RSBN1: variants seen among roughly 807,000 people sequenced by gnomAD.
The protein encoded by RSBN1 is lysine-specific demethylase 9.
RSBN1 carries 23 observed loss-of-function variants against 74.8 expected under a neutral mutation model. The ratio of observed to expected loss-of-function variants is 0.31; its 90% confidence interval spans 0.22 to 0.44. The LOEUF (loss-of-function observed/expected upper bound fraction) is 0.44. RSBN1 is among the 20% of genes least tolerant of loss of function. RSBN1 has a pLI of 1.00. For missense variants in RSBN1, 808 were observed against 1,020.9 expected (o/e 0.79, Z 2.84); for synonymous variants, 407 against 379.6 (o/e 1.07, Z -0.84).
rs1659761321 is a variant in RSBN1 at position 113,765,477 on chromosome 1, G to C, written c.*503C>G. On this transcript the variant is annotated 3_prime_UTR_variant, in exon 7 of 7. Coordinates refer to ENST00000261441, the MANE Select transcript of RSBN1 (RefSeq NM_018364.5). Reference sequence around the variant, plus strand: ...GGAAACTACTTGTTATTTGTGGTTAGAACTAAATAACTTACTTGCCCATGT... The same window carrying C: ...GGAAACTACTTGTTATTTGTGGTTACAACTAAATAACTTACTTGCCCATGT... 1 of 154,042 alleles carries C rather than the reference G, an allele frequency of 6.5e-6. No individual in the cohort carries two copies. The highest frequency in any genetic ancestry group is 2.4e-5 in the African/African-American group (1 of 41,414). 9.5% of individuals were successfully genotyped at this position (154,042 alleles called of 1,614,324 possible). A position where few individuals can be genotyped will look rare whatever the true frequency, so the allele number is the denominator to read the frequency against.
intron 1 of RSBN1, among the ~76,000 whole-genome samples, chr1:113,801,178 T>TC (rs1329156871): frequency 6.6e-6 from 1 of 152,114 alleles, no homozygotes; most frequent in Non-Finnish European, 1.5e-5. Context: ...AGACAGGGTT[T>TC]CACCATGTTG....
Position 113,762,407 on chromosome 1 carries a change from A to C in RSBN1, c.*3573T>G, listed in dbSNP as rs1438053765. 2.0e-5 allele frequency: 3 copies of C among 152,516 alleles called. No homozygotes were observed. The highest frequency in any genetic ancestry group is 7.2e-5 in the African/African-American group (3 of 41,466). The allele number at this position is 152,516 out of a possible 1,614,324, so 9.4% of individuals were successfully genotyped here. ...CAAGGATAGGTCCCTTACGTGCTAA[A>C]GAAAAACATTTGTACTGTGCATTTC... On this transcript the variant is annotated 3_prime_UTR_variant, in exon 7 of 7. Transcript: ENST00000261441.
rs1659733291 is a variant in RSBN1, at chr1:113,763,885, C to T, written c.*2095G>A. The T allele has an allele frequency of 6.6e-6, 1 of 152,424 alleles. No homozygotes were observed. Among genetic ancestry groups the T allele is most frequent in the Admixed American group, 6.6e-5 (1 of 15,238 alleles). The allele number at this position is 152,424 out of a possible 1,614,324, so 9.4% of individuals were successfully genotyped here. On this transcript the variant is annotated 3_prime_UTR_variant, in exon 7 of 7. Coordinates refer to ENST00000261441, the MANE Select transcript of RSBN1 (RefSeq NM_018364.5). ...GACCAGCTTGGATGACAGATGGCAT[C>T]TGCTGGATGGCAAGTGGGAGATGGG... is the stretch of plus-strand genomic sequence containing the variant.
intron 2 of RSBN1, among the ~76,000 whole-genome samples, chr1:113,795,574 G>C (rs1660454487): frequency 6.6e-6 from 1 of 152,098 alleles, no homozygotes; most frequent in Non-Finnish European, 1.5e-5. Context: ...CAGAGCACAG[G>C]ACTCATTCAA....
intron 4 of RSBN1, among the ~76,000 whole-genome samples, chr1:113,775,777 C>T (rs1420963461): frequency 1.3e-5 from 2 of 152,208 alleles, no homozygotes; most frequent in Non-Finnish European, 2.9e-5. Context: ...GATTCGTCAT[C>T]ATCCTGCAAC....
At chr1:113,810,537 C>T (rs932073523) in intron 1 of RSBN1, among the ~76,000 whole-genome samples, 2 of 152,064 alleles carry the variant, frequency 1.3e-5, no homozygotes, top group Non-Finnish European at 2.9e-5. Flanking sequence ...ATTTGGATGC[C>T]ACCAAATGAA....
At chr1:113,767,300 C>A in intron 5 of RSBN1, 93 bp from the exon 6 acceptor site, 1 of 659,048 alleles carries the variant, frequency 1.5e-6, no homozygotes, top group Non-Finnish European at 2.5e-6. Flanking sequence ...AATGCTTCTA[C>A]CAGCAGAGAA....
chr1:113,807,825 AC>A (rs1167883002), intron 1 of RSBN1, among the ~76,000 whole-genome samples: 17 of 151,194 alleles, frequency 1.1e-4, no homozygotes, highest in Non-Finnish European at 2.1e-4. Context: ...ACACACACAC[AC>A]AAAATTCAAT....
rs534657938 is a variant in RSBN1 at position 113,803,579 on chromosome 1, C to T, written c.704-5543G>A. Among the ~76,000 whole-genome samples the T allele has an allele frequency of 8.5e-5, 13 of 152,236 alleles. No homozygotes were observed. In the South Asian group the frequency reaches 1.9e-3, roughly 22 times the overall value. On this transcript the variant is annotated intron_variant, in intron 1 of 6. Transcript: ENST00000261441. Reference sequence around the variant, plus strand: ...ATTAGTGTGCAGAGTAAATGAAAAACGCATGTGAAGTACTTATAATAGTCC... The same window carrying T: ...ATTAGTGTGCAGAGTAAATGAAAAATGCATGTGAAGTACTTATAATAGTCC...
At chr1:113,781,570 C>T (rs1211643848) in intron 2 of RSBN1, among the ~76,000 whole-genome samples, 2 of 152,226 alleles carry the variant, frequency 1.3e-5, no homozygotes, top group African/African-American at 2.4e-5. Flanking sequence ...ACATCTCTAA[C>T]TTAAAACTCT....
chr1:113,774,528 T>A (rs1196731742), intron 4 of RSBN1, among the ~76,000 whole-genome samples: 1 of 151,492 alleles, frequency 6.6e-6, no homozygotes, highest in Non-Finnish European at 1.5e-5. Context: ...AAAAAAAAAA[T>A]TAGCCGGGCA....
chr1:113,804,243 G>C (rs1302432719), intron 1 of RSBN1, among the ~76,000 whole-genome samples: 2 of 152,156 alleles, frequency 1.3e-5, no homozygotes, highest in African/African-American at 4.8e-5. Flanking sequence ...TTATCATCTT[G>C]ATTATCAAGA....
chr1:113,806,912 T>C (rs950694715), intron 1 of RSBN1, among the ~76,000 whole-genome samples: 7 of 140,798 alleles, frequency 5.0e-5, no homozygotes, highest in East Asian at 2.1e-4. Context: ...ACTCAGGAGG[T>C]TGAGGTGGGA....
intron 4 of RSBN1, among the ~76,000 whole-genome samples, chr1:113,770,265 G>T (rs1206445232): frequency 6.6e-6 from 1 of 152,150 alleles, no homozygotes; most frequent in East Asian, 1.9e-4. Context: ...GTGATGTCTA[G>T]AACTGCCTCA....
At chr1:113,797,287 T>C in intron 2 of RSBN1, 76 bp downstream of exon 2, 1 of 1,144,914 alleles carries the variant, frequency 8.7e-7, no homozygotes, top group Non-Finnish European at 1.2e-6. Context: ...TGTGCTGGTA[T>C]GTGCTGTGCG....
intron 2 of RSBN1, among the ~76,000 whole-genome samples, chr1:113,786,786 C>T (rs2797408): frequency 0.28 from 42,095 of 152,010 alleles, 6,274 homozygotes; most frequent in East Asian, 0.6. Context: ...GCCTGGGCAA[C>T]ATGGTGAAAC....
intron 2 of RSBN1, among the ~76,000 whole-genome samples, chr1:113,779,752 G>A (rs1660099926): frequency 6.6e-6 from 1 of 152,180 alleles, no homozygotes; most frequent in South Asian, 2.1e-4. Flanking sequence ...GCCAGGCACG[G>A]TGGTGCATGC....
intron 4 of RSBN1, among the ~76,000 whole-genome samples, chr1:113,772,014 A>G (rs1659895019): frequency 6.6e-6 from 1 of 152,094 alleles, no homozygotes; most frequent in African/African-American, 2.4e-5. Flanking sequence ...TAGAAAAGAA[A>G]GATGCTTTTG....
chr1:113,797,311 A>C, intron 2 of RSBN1, 52 bp downstream of exon 2: 1 of 1,396,744 alleles, frequency 7.2e-7, no homozygotes, highest in Admixed American at 2.1e-5. Context: ...GAAAGAGGTT[A>C]ATTCTGTTTA....
Sources: gnomAD v4.1 joint callset for allele counts (sites outside exome capture counted in the v4.1 genomes callset) on GRCh38, gnomAD v4.1.1 for gene constraint, MANE v1.5 for transcripts, NCBI Gene and HGNC (gene_info 2026-07-23, HGNC 2026-07-21) for gene names.